Variants in GLI2 observed in about 807,000 individuals in gnomAD.
GLI2 encodes GLI family zinc finger 2, also known as transcription activator GLI2.
Under a neutral mutation model 78.9 loss-of-function variants are expected in GLI2, and 22 were observed. The observed-to-expected ratio is 0.28, with a 90% CI of 0.20 to 0.40. The LOEUF is 0.40. Among genes scored for constraint, GLI2 ranks in the 10% least tolerant of loss-of-function variants. The probability of loss-of-function intolerance (pLI) is 1.00; values close to 1 mark genes in which losing one functional copy is unlikely to be tolerated. For synonymous variants in GLI2, 974 were observed against 963.7 expected (o/e 1.01, Z -0.20); for missense variants, 2,097 against 2,213.2 (o/e 0.95, Z 1.05).
chr2:120,925,892 GA>G (rs1679639467), intron 2 of GLI2, among the ~76,000 whole-genome samples: 1 of 151,580 alleles, frequency 6.6e-6, no homozygotes, highest in Admixed American at 6.6e-5. Flanking sequence ...CTAACACGGT[GA>G]AACCTCGTCT....
rs1175235917 is a variant in GLI2, at chr2:120,986,266, C to G, written c.1906-12C>G. 6.2e-7 allele frequency: 1 copy of G among 1,611,142 alleles called. No individual in the cohort carries two copies. Among genetic ancestry groups the G allele is most frequent in the South Asian group, 1.1e-5 (1 of 91,014 alleles). On this transcript the variant is annotated splice_polypyrimidine_tract_variant and intron_variant, in intron 12 of 13. Transcript: ENST00000361492. ...CCTCTGAGTCTGAGCCTTCTTGCCT[C>G]GTCCCCTGCAGCTGTGTCAGTCCAG...
intron 2 of GLI2, among the ~76,000 whole-genome samples, chr2:120,881,342 G>T (rs1573529655): frequency 6.6e-6 from 1 of 152,208 alleles, no homozygotes; most frequent in Non-Finnish European, 1.5e-5. Context: ...CAGGTGGGGA[G>T]GAGGATGGGT....
intron 2 of GLI2, among the ~76,000 whole-genome samples, chr2:120,841,771 G>A (rs139793850): frequency 5.2e-4 from 79 of 152,192 alleles, no homozygotes; most frequent in African/African-American, 1.7e-3. Context: ...AGATTCCAGT[G>A]CAGAGCAGAA....
intron 10 of GLI2, among the ~76,000 whole-genome samples, chr2:120,980,966 C>T (rs973024858): frequency 3.3e-5 from 5 of 152,016 alleles, no homozygotes; most frequent in Non-Finnish European, 7.4e-5. Context: ...CTGCAACATC[C>T]GCATCCCAGG....
chr2:120,776,113 A>G (rs1255384436), intron 1 of GLI2, among the ~76,000 whole-genome samples: 4 of 152,236 alleles, frequency 2.6e-5, no homozygotes, highest in Admixed American at 1.3e-4. Context: ...GACCACCCCC[A>G]TCAGGTGCCT....
intron 2 of GLI2, among the ~76,000 whole-genome samples, chr2:120,849,931 TTTAGA>T (rs1470189659): frequency 1.2e-4 from 19 of 152,200 alleles, no homozygotes; most frequent in African/African-American, 4.6e-4. Flanking sequence ...AAAAAAGAGC[TTTAGA>T]TTAAAAATAT....
chr2:120,928,635 A>G (rs1679806649), intron 3 of GLI2, among the ~76,000 whole-genome samples: 1 of 152,206 alleles, frequency 6.6e-6, no homozygotes. Context: ...AAGTCAGTCA[A>G]CACTTGCTGG....
intron 2 of GLI2, among the ~76,000 whole-genome samples, chr2:120,913,232 TAGGGTAGCCGCG>T (rs747463760): frequency 4.3e-4 from 65 of 152,304 alleles, no homozygotes; most frequent in Non-Finnish European, 7.8e-4. Context: ...AGCTGTTCAG[TAGGGTAGCCGCG>T]AGCTGTGTGT....
intron 13 of GLI2, among the ~76,000 whole-genome samples, 167 bp downstream of exon 13, chr2:120,986,781 C>G (rs1683001613): frequency 6.6e-6 from 1 of 152,158 alleles, no homozygotes; most frequent in African/African-American, 2.4e-5. Context: ...AATGCCTTAC[C>G]CAAATCAATG....
intron 10 of GLI2, among the ~76,000 whole-genome samples, chr2:120,980,223 C>T (rs765575950): frequency 3.9e-5 from 6 of 152,190 alleles, no homozygotes; most frequent in Admixed American, 6.5e-5. Context: ...TTTCCAAAAA[C>T]GCTGCTCCAT....
At chr2:120,915,761 A>G (rs1244019761) in intron 2 of GLI2, among the ~76,000 whole-genome samples, 1 of 152,254 alleles carries the variant, frequency 6.6e-6, no homozygotes, top group Non-Finnish European at 1.5e-5. Context: ...AGCCTCTCCC[A>G]GCCCTGGTGT....
intron 9 of GLI2, among the ~76,000 whole-genome samples, chr2:120,976,731 G>A (rs1682472862): frequency 6.6e-6 from 1 of 152,146 alleles, no homozygotes; most frequent in Non-Finnish European, 1.5e-5. Context: ...TTTAGCCAGG[G>A]GCTTCTGCCT....
chr2:120,884,785 A>C (rs1161672770), intron 2 of GLI2, among the ~76,000 whole-genome samples: 1 of 152,192 alleles, frequency 6.6e-6, no homozygotes, highest in Admixed American at 6.5e-5. Flanking sequence ...TGCCAGCCAC[A>C]GGCTTCTGCT....
chr2:120,948,975 C>T (rs936548857), intron 3 of GLI2, among the ~76,000 whole-genome samples: 1 of 152,174 alleles, frequency 6.6e-6, no homozygotes, highest in African/African-American at 2.4e-5. Flanking sequence ...CTGAGCCACA[C>T]TCAGCCTTCC....
At chr2:120,924,542 T>TACACACACACAC (rs56852363) in intron 2 of GLI2, among the ~76,000 whole-genome samples, 97 of 149,650 alleles carry the variant, frequency 6.5e-4, no homozygotes, top group Middle Eastern at 3.4e-3. Context: ...CATTTAGAAA[T>TACACACACACAC]ACACACACAC....
In GLI2 at chr2:120,799,959, A is replaced by G. The variant is rs563255564; in HGVS notation, c.148+2491A>G. On this transcript the variant is annotated intron_variant, in intron 2 of 13. Coordinates refer to ENST00000361492, the MANE Select transcript of GLI2 (RefSeq NM_001374353.1). ...GCTCTTGTGTTCATCTCTAGGTCTC[A>G]GCATCTGGTGCTGGGCCTGGCATGA... Among the ~76,000 whole-genome samples, 5 of 152,296 alleles carry G rather than the reference A, an allele frequency of 3.3e-5. No homozygotes were observed. In the East Asian group the frequency reaches 5.8e-4, roughly 18 times the overall value.
At chr2:120,848,935 TAA>T (rs1463925567) in intron 2 of GLI2, among the ~76,000 whole-genome samples, 1 of 152,194 alleles carries the variant, frequency 6.6e-6, no homozygotes, top group Non-Finnish European at 1.5e-5. Flanking sequence ...GCTTTAATAT[TAA>T]ATGGATGATG....
chr2:120,911,727 G>C (rs897215600), intron 2 of GLI2, among the ~76,000 whole-genome samples: 5 of 152,124 alleles, frequency 3.3e-5, no homozygotes, highest in Non-Finnish European at 4.4e-5. Flanking sequence ...TGCGGTGGAG[G>C]GGGGTGGCAG....
chr2:120,779,738 G>T (rs979142785), intron 1 of GLI2, among the ~76,000 whole-genome samples: 1 of 152,246 alleles, frequency 6.6e-6, no homozygotes, highest in Non-Finnish European at 1.5e-5. Context: ...GCACACAGTA[G>T]GTTAAGACAG....
Sources: allele counts gnomAD v4.1 joint callset (sites outside exome capture counted in the v4.1 genomes callset), GRCh38; gene constraint gnomAD v4.1.1; transcripts MANE v1.5; gene names NCBI Gene and HGNC (gene_info 2026-07-23, HGNC 2026-07-21).